TXLNA: variants seen among roughly 807,000 people sequenced by gnomAD.
TXLNA encodes alpha-taxilin.
Under a neutral mutation model 61.4 loss-of-function variants are expected in TXLNA, and 9 were observed. That is an observed-to-expected ratio of 0.15 (90% CI 0.09 to 0.26). The LOEUF (loss-of-function observed/expected upper bound fraction) is 0.26, where lower values mean the gene tolerates loss of function less well. Ranked by LOEUF, TXLNA falls within the 10% of genes least tolerant of loss-of-function variation. The pLI is 1.00. For synonymous variants in TXLNA, 257 were observed against 267.7 expected, an observed-to-expected ratio of 0.96 and a Z score of 0.39; for missense variants, 565 against 688.8, an observed-to-expected ratio of 0.82 and a Z score of 2.01.
intron 1 of TXLNA, 77 bp downstream of exon 1, chr1:32,179,853 C>A (rs945029355): frequency 6.6e-6 from 1 of 152,284 alleles, no homozygotes; most frequent in South Asian, 2.1e-4. Context: ...GTGGGGAAAT[C>A]ACGCCAACTC....
At chr1:32,186,587 G>A (rs1215079458) in intron 4 of TXLNA, among the ~76,000 whole-genome samples, 2 of 152,154 alleles carry the variant, frequency 1.3e-5, no homozygotes, top group Admixed American at 1.3e-4. Context: ...AGTTGAGGGT[G>A]TAAGAAATCC....
intron 2 of TXLNA, 21 bp from the exon 3 acceptor site, chr1:32,181,221 C>G (rs1642648629): frequency 2.0e-6 from 3 of 1,534,528 alleles, no homozygotes; most frequent in Non-Finnish European, 2.6e-6. Flanking sequence ...TCACTCTACC[C>G]CTCATCCTCT....
rs1394152237 is a variant in TXLNA, at chr1:32,197,695, A to C, written c.*2500A>C. ...TTCTTAGATTGCTAGCTTTTCCTCCAGGGGACCACAGCAGGTGAAGCTCAA... is the reference window on the plus strand; with the variant it reads ...TTCTTAGATTGCTAGCTTTTCCTCCCGGGGACCACAGCAGGTGAAGCTCAA... On this transcript the variant is annotated 3_prime_UTR_variant, in exon 11 of 11. Coordinates refer to ENST00000373610, the MANE Select transcript of TXLNA (RefSeq NM_175852.4). The surrounding 1 kb of genome is among the most constrained non-coding windows in gnomAD (Gnocchi z 4.6). 1 of 152,266 alleles carries C rather than the reference A, an allele frequency of 6.6e-6. No homozygotes were observed. Among genetic ancestry groups the C allele is most frequent in the Non-Finnish European group, 1.5e-5 (1 of 68,064 alleles). 9.4% of individuals were successfully genotyped at this position (152,266 alleles called of 1,614,324 possible). A position where few individuals can be genotyped will look rare whatever the true frequency, so the allele number is the denominator to read the frequency against.
At chr1:32,189,163 T>A (rs1179388556) in intron 5 of TXLNA, among the ~76,000 whole-genome samples, 1 of 152,220 alleles carries the variant, frequency 6.6e-6, no homozygotes, top group Non-Finnish European at 1.5e-5. Context: ...TTTTCATTAT[T>A]ACATATAGAA....
At chr1:32,189,481 CTTGCTTCAGAAT>C (rs1223611628) in intron 5 of TXLNA, among the ~76,000 whole-genome samples, 1 of 151,652 alleles carries the variant, frequency 6.6e-6, no homozygotes, top group Non-Finnish European at 1.5e-5. Context: ...GGAGATCCGA[CTTGCTTCAGAAT>C]GGCACTTAGC....
chr1:32,189,064 C>A (rs1378298476), intron 5 of TXLNA, among the ~76,000 whole-genome samples: 1 of 151,892 alleles, frequency 6.6e-6, no homozygotes, highest in South Asian at 2.1e-4. Context: ...TAACATTTTT[C>A]CCTATCAGTA....
intron 1 of TXLNA, 118 bp from the exon 2 acceptor site, chr1:32,180,196 C>T: frequency 2.7e-6 from 3 of 1,131,354 alleles, no homozygotes; most frequent in Non-Finnish European, 3.6e-6. Flanking sequence ...GCGCCCTCCG[C>T]CCGGGCCTGC....
intron 2 of TXLNA, 43 bp downstream of exon 2, chr1:32,180,557 T>C (rs768929255): frequency 3.9e-6 from 6 of 1,545,742 alleles, no homozygotes; most frequent in Non-Finnish European, 5.2e-6. Context: ...GGGGAGGAGC[T>C]GTGGGGTCGG....
rs369432100 is a variant in TXLNA, at chr1:32,195,813, C to A, written c.*618C>A. The A allele has an allele frequency of 8.8e-6, 4 of 455,894 alleles. No individual in the cohort carries two copies. Among genetic ancestry groups the A allele is most frequent in the East Asian group, 1.4e-4 (2 of 14,388 alleles). The allele number at this position is 455,894 out of a possible 1,614,324, so 28.2% of individuals were successfully genotyped here. A position where few individuals can be genotyped will look rare whatever the true frequency, so the allele number is the denominator to read the frequency against. On this transcript the variant is annotated 3_prime_UTR_variant, in exon 11 of 11. Coordinates refer to ENST00000373610, the MANE Select transcript of TXLNA (RefSeq NM_175852.4). ...TGGGATGATGTGCTGGTCAGGAGCC[C>A]CTTGGGCATCGCTTCCCCTGCCCTT...
intron 4 of TXLNA, among the ~76,000 whole-genome samples, chr1:32,187,302 T>C (rs931887796): frequency 1.3e-5 from 2 of 152,236 alleles, no homozygotes; most frequent in African/African-American, 4.8e-5. Flanking sequence ...TTTACTTTTT[T>C]AGTGCGGCCA....
chr1:32,186,863 G>C (rs1642799289), intron 4 of TXLNA, among the ~76,000 whole-genome samples: 1 of 152,214 alleles, frequency 6.6e-6, no homozygotes, highest in Non-Finnish European at 1.5e-5. Flanking sequence ...ATTTGAACAT[G>C]CTATAAATGT....
At chr1:32,183,119 T>C (rs550323685) in intron 3 of TXLNA, among the ~76,000 whole-genome samples, 1 of 151,778 alleles carries the variant, frequency 6.6e-6, no homozygotes, top group African/African-American at 2.4e-5. Context: ...AAGTATCATC[T>C]TCTTCACCCC....
At chr1:32,182,001 G>C (rs933695255) in intron 3 of TXLNA, among the ~76,000 whole-genome samples, 4 of 151,946 alleles carry the variant, frequency 2.6e-5, no homozygotes, top group Non-Finnish European at 4.4e-5. Flanking sequence ...GGCTGGCCAT[G>C]GGGCCACCTG....
At position 32,195,260 on chromosome 1, in the gene TXLNA, G is replaced by A. The variant is rs1642993962; in HGVS notation, c.*65G>A. On this transcript the variant is annotated 3_prime_UTR_variant, in exon 11 of 11. Transcript: ENST00000373610. ...CCCAGCCAGGCCTGGCCCATAAAAG[G>A]CTCCCATGCTGAGCAGCCCATTGCT... 3 of 1,487,736 alleles carry A rather than the reference G, an allele frequency of 2.0e-6. No individual in the cohort carries two copies. Among genetic ancestry groups the A allele is most frequent in the Non-Finnish European group, 2.7e-6 (3 of 1,116,024 alleles). 92.2% of individuals were successfully genotyped at this position (1,487,736 alleles called of 1,614,324 possible). A position where few individuals can be genotyped will look rare whatever the true frequency, so the allele number is the denominator to read the frequency against.
At chr1:32,193,634 G>A (rs1298715807) in intron 9 of TXLNA, among the ~76,000 whole-genome samples, 2 of 152,000 alleles carry the variant, frequency 1.3e-5, no homozygotes, top group Non-Finnish European at 2.9e-5. Flanking sequence ...TTTGCCCCCC[G>A]GGTTCAAGTG....
At position 32,181,327 on chromosome 1, in the gene TXLNA, A is replaced by T. The variant is rs774207533; in HGVS notation, c.255A>T (p.Thr85=). 3.1e-6 allele frequency: 5 copies of T among 1,614,072 alleles called. No homozygotes were observed. The highest frequency in any genetic ancestry group is 4.2e-6 in the Non-Finnish European group (5 of 1,180,030). ...GCCAACTGGAAGACATACTGAGCAC[A>T]TACTGTGTGGACAATAACCAGGGGG... ...LSRQLEDILS[T]YCVDNNQGGP... The change falls in exon 3 of 11, where the codon ACA becomes ACT. Residue 85 remains threonine, a synonymous_variant. Coordinates refer to ENST00000373610, the MANE Select transcript of TXLNA (RefSeq NM_175852.4).
At position 32,192,509 on chromosome 1, in the gene TXLNA, A is replaced by G. The variant is rs1642930426; in HGVS notation, c.1083+79A>G. On this transcript the variant is annotated intron_variant, in intron 7 of 10. Coordinates refer to ENST00000373610, the MANE Select transcript of TXLNA (RefSeq NM_175852.4). This position sits in a 1 kb window ranked among gnomAD's most constrained non-coding sequence, Gnocchi z 4.2. ...CTGGCTCAGCTCATAGCCGGGTTATATGGGAGAAGTCTGGCCAGACCAGGC... is the reference window on the plus strand; with the variant it reads ...CTGGCTCAGCTCATAGCCGGGTTATGTGGGAGAAGTCTGGCCAGACCAGGC... The G allele has an allele frequency of 3.8e-6, 6 of 1,599,320 alleles. No homozygotes were observed. Among genetic ancestry groups the G allele is most frequent in the African/African-American group, 1.3e-5 (1 of 74,584 alleles).
At chr1:32,193,717 T>A (rs45492595) in intron 9 of TXLNA, among the ~76,000 whole-genome samples, 1 of 151,636 alleles carries the variant, frequency 6.6e-6, no homozygotes, top group Non-Finnish European at 1.5e-5. Context: ...ATTTTTTCTT[T>A]CTTTTTTTTT....
intron 5 of TXLNA, 137 bp from the exon 6 acceptor site, chr1:32,189,918 G>A: frequency 1.2e-6 from 1 of 860,252 alleles, no homozygotes; most frequent in South Asian, 1.8e-5. Flanking sequence ...AACCCGCATT[G>A]CACAACATCC....
Sources: gnomAD v4.1 joint callset for allele counts (sites outside exome capture counted in the v4.1 genomes callset) on GRCh38, gnomAD v4.1.1 for gene constraint, Gnocchi (gnomAD v3.1) non-coding constraint, MANE v1.5 for transcripts, NCBI Gene and HGNC (gene_info 2026-07-23, HGNC 2026-07-21) for gene names.